Variants in DNAH12 observed in about 807,000 individuals in gnomAD.
DNAH12 encodes dynein axonemal heavy chain 12, also known as axonemal beta dynein heavy chain 12.
A neutral mutation model predicts 371.5 loss-of-function variants in DNAH12; 285 were observed. The observed-to-expected ratio is 0.77, with a 90% CI of 0.70 to 0.85. DNAH12 has a LOEUF of 0.85. Ranked by LOEUF, DNAH12 falls within the 40% of genes least tolerant of loss-of-function variation. The pLI is 0.00. For synonymous variants in DNAH12, 1,200 were observed against 1,213.0 expected, an observed-to-expected ratio of 0.99 and a Z score of 0.22; for missense variants, 3,611 against 3,689.4, an observed-to-expected ratio of 0.98 and a Z score of 0.55.
intron 29 of DNAH12, among the ~76,000 whole-genome samples, chr3:57,438,756 C>T (rs2065210926): frequency 6.6e-6 from 1 of 151,766 alleles, no homozygotes; most frequent in Non-Finnish European, 1.5e-5. Flanking sequence ...GGTTCAAGAC[C>T]AGCCTGGCCA....
chr3:57,530,850 C>G (rs111662351), intron 2 of DNAH12: 1 of 166,116 alleles, frequency 6.0e-6, no homozygotes. Flanking sequence ...GTGGACGCAG[C>G]GGGGGCCAAT....
At position 57,360,251 on chromosome 3, in the gene DNAH12, ACC is replaced by A. The variant is rs1473926635; in HGVS notation, c.9361-2905_9361-2904del. 3.4e-3 allele frequency among the ~76,000 whole-genome samples: 520 copies of A among 152,192 alleles called. 1 individual carries two copies. Among genetic ancestry groups the A allele is most frequent in the African/African-American group, 0.012 (498 of 41,504 alleles). On this transcript the variant is annotated intron_variant, in intron 58 of 73. Transcript: ENST00000495027. Reference sequence around the variant, plus strand: ...GGCTGCCACAGAATATTACTCTAAGACCCTACTCCTTTGGCTCCCCCAAGATG... The same window carrying A: ...GGCTGCCACAGAATATTACTCTAAGACTACTCCTTTGGCTCCCCCAAGATG...
At chr3:57,421,900 G>GTTTTT (rs1383551758) in intron 35 of DNAH12, among the ~76,000 whole-genome samples, 194 bp from the exon 36 acceptor site, 2 of 97,718 alleles carry the variant, frequency 2.0e-5, no homozygotes, top group African/African-American at 6.1e-5. Flanking sequence ...ATGTTTGCAT[G>GTTTTT]TCTTTTTTTT....
chr3:57,411,544 AAAAAAAAAAAAGAAAGAAAG>A (rs2064204963), intron 39 of DNAH12, among the ~76,000 whole-genome samples: 2 of 94,452 alleles, frequency 2.1e-5, no homozygotes, highest in Non-Finnish European at 4.7e-5. Context: ...AAAAAAAAAA[AAAAAAAAAAAAGAAAGAAAG>A]AAAAGTACAA....
At chr3:57,351,527 G>C (rs2062675027) in intron 60 of DNAH12, among the ~76,000 whole-genome samples, 1 of 152,160 alleles carries the variant, frequency 6.6e-6, no homozygotes, top group South Asian at 2.1e-4. Context: ...TGTTCATTGA[G>C]TAGAACAGGT....
intron 14 of DNAH12, among the ~76,000 whole-genome samples, chr3:57,472,326 C>G (rs1315701179): frequency 3.3e-5 from 5 of 152,074 alleles, no homozygotes; most frequent in Non-Finnish European, 7.4e-5. Context: ...TATAATAGTT[C>G]TGACTTTCTA....
intron 60 of DNAH12, among the ~76,000 whole-genome samples, chr3:57,336,276 GAAA>G (rs1201498699): frequency 6.6e-6 from 1 of 151,918 alleles, no homozygotes; most frequent in African/African-American, 2.4e-5. Flanking sequence ...CCATAACCAG[GAAA>G]AAAATTGGTC....
Position 57,433,752 on chromosome 3 carries a change from T to G in DNAH12, c.4732A>C (p.Asn1578His), listed in dbSNP as rs2065024995. ...HVLADTLTLMNEHGYGEEEKV... is the reference protein window; with the variant it reads ...HVLADTLTLMHEHGYGEEEKV... ...TCTTCCTCTCCATAGCCATGTTCAT[T>G]CATTAAAGTTAGCGTATCCGCCAGC... Residue 1578 changes from asparagine to histidine, a missense_variant, in exon 31 of 74, where the codon AAT becomes CAT. Asn to His is a moderately conservative substitution (Grantham distance 68). Coordinates refer to ENST00000495027, the MANE Select transcript of DNAH12 (RefSeq NM_001366028.2). The G allele has an allele frequency of 6.4e-7, 1 of 1,551,446 alleles. No homozygotes were observed. The highest frequency in any genetic ancestry group is 8.7e-7 in the Non-Finnish European group (1 of 1,146,914).
chr3:57,403,308 C>T lies in DNAH12; in HGVS notation c.6948+1G>A. The T allele has an allele frequency of 6.5e-7, 1 of 1,528,658 alleles. No homozygotes were observed. The highest frequency in any genetic ancestry group is 8.8e-7 in the Non-Finnish European group (1 of 1,138,584). The allele number at this position is 1,528,658 out of a possible 1,614,324, so 94.7% of individuals were successfully genotyped here. The stretch of plus-strand genomic sequence containing the variant: ...GATACTAGGCTTCTTCATAATTTTA[C>T]CTTCATATCCTCTCTCCATTCATTC... On this transcript the variant is annotated splice_donor_variant, in intron 43 of 73. Coordinates refer to ENST00000495027, the MANE Select transcript of DNAH12 (RefSeq NM_001366028.2). LOFTEE classifies it high-confidence loss of function.
chr3:57,535,288 A>G (rs1307037887), intron 2 of DNAH12, among the ~76,000 whole-genome samples: 1 of 152,188 alleles, frequency 6.6e-6, no homozygotes, highest in Non-Finnish European at 1.5e-5. Flanking sequence ...GAATGAATTA[A>G]TGGGTTAATG....
At chr3:57,334,009 GAACC>G (rs2062166685) in intron 62 of DNAH12, among the ~76,000 whole-genome samples, 1 of 132,762 alleles carries the variant, frequency 7.5e-6, no homozygotes, top group Non-Finnish European at 1.6e-5. Flanking sequence ...TACACAAAAA[GAACC>G]AAACAAATTT....
intron 13 of DNAH12, among the ~76,000 whole-genome samples, chr3:57,474,887 A>T (rs2153381559): frequency 6.6e-6 from 1 of 151,972 alleles, no homozygotes; most frequent in African/African-American, 2.4e-5. Context: ...GAGACAGGAG[A>T]ATCTCTTGAA....
At chr3:57,519,823 C>A in intron 4 of DNAH12, 1 of 1,279,346 alleles carries the variant, frequency 7.8e-7, no homozygotes, top group Non-Finnish European at 1.1e-6. Flanking sequence ...AGCTTGACAT[C>A]TGAGACAGGC....
At chr3:57,361,064 T>A (rs2062916941) in intron 58 of DNAH12, among the ~76,000 whole-genome samples, 1 of 151,664 alleles carries the variant, frequency 6.6e-6, no homozygotes, top group Non-Finnish European at 1.5e-5. Flanking sequence ...AAAATATCAT[T>A]CAGGGCCGGG....
chr3:57,347,721 TAAA>T (rs367887966), intron 60 of DNAH12, among the ~76,000 whole-genome samples: 1 of 131,228 alleles, frequency 7.6e-6, no homozygotes, highest in Admixed American at 7.7e-5. Context: ...GAATCTGTCT[TAAA>T]AAAAAAAAAA....
chr3:57,433,610 C>T (rs933112027), intron 31 of DNAH12, 35 bp downstream of exon 31: 4 of 1,531,798 alleles, frequency 2.6e-6, no homozygotes, highest in Non-Finnish European at 3.5e-6. Flanking sequence ...AGGCACTTTC[C>T]ATAAGAGAGT....
chr3:57,422,972 A>ATTTTT, intron 35 of DNAH12, among the ~76,000 whole-genome samples: 1 of 152,224 alleles, frequency 6.6e-6, no homozygotes, highest in South Asian at 2.1e-4. Flanking sequence ...TAATGTATTT[A>ATTTTT]AAAATGTATA....
chr3:57,494,584 G>T (rs1258407053), intron 11 of DNAH12, among the ~76,000 whole-genome samples: 1 of 151,616 alleles, frequency 6.6e-6, no homozygotes, highest in East Asian at 1.9e-4. Context: ...ACAAAACATT[G>T]TACTAAAACA....
intron 17 of DNAH12, among the ~76,000 whole-genome samples, chr3:57,463,441 G>A (rs1351777781): frequency 1.3e-5 from 2 of 152,070 alleles, no homozygotes; most frequent in South Asian, 2.1e-4. Flanking sequence ...GCTGAGTGAC[G>A]CCTGCCTTGG....
Sources: gnomAD v4.1 joint callset for allele counts (sites outside exome capture counted in the v4.1 genomes callset) on GRCh38, gnomAD v4.1.1 for gene constraint, MANE v1.5 for transcripts, NCBI Gene and HGNC (gene_info 2026-07-23, HGNC 2026-07-21) for gene names.